HS3ST5: variants seen among roughly 807,000 people sequenced by gnomAD.
The protein encoded by HS3ST5 is heparan sulfate glucosamine 3-O-sulfotransferase 5.
A neutral mutation model predicts 25.4 loss-of-function variants in HS3ST5; 10 were observed. The observed-to-expected ratio is 0.39, with a 90% CI of 0.24 to 0.67. The LOEUF (loss-of-function observed/expected upper bound fraction) is 0.67, where lower values mean the gene tolerates loss of function less well. Ranked by LOEUF, HS3ST5 falls within the 30% of genes least tolerant of loss-of-function variation. The pLI, the probability that HS3ST5 is intolerant of heterozygous loss-of-function variation, is 0.44. For missense variants in HS3ST5, 324 were observed against 420.7 expected, an observed-to-expected ratio of 0.77 and a Z score of 2.01; for synonymous variants, 170 against 162.4, an observed-to-expected ratio of 1.05 and a Z score of -0.36.
In HS3ST5 at chr6:114,231,520, C is replaced by A. The variant is rs1771588558; in HGVS notation, c.-338-2742G>T. ...ATGCAAGAATGGTCTAATACAAAGT[C>A]CAAGGTCCTTAACCTGGCATTTAAT... On this transcript the variant is annotated intron_variant, in intron 1 of 4. Transcript: ENST00000312719. 3 of 152,126 alleles carry A rather than the reference C, an allele frequency of 2.0e-5. No homozygotes were observed. In the South Asian group the frequency reaches 6.2e-4, roughly 32 times the overall value. 9.4% of individuals were successfully genotyped at this position (152,126 alleles called of 1,614,324 possible). A position where few individuals can be genotyped will look rare whatever the true frequency, so the allele number is the denominator to read the frequency against.
intron 2 of HS3ST5, among the ~76,000 whole-genome samples, chr6:114,213,230 C>A (rs113369805): frequency 6.6e-6 from 1 of 151,526 alleles, no homozygotes; most frequent in East Asian, 1.9e-4. Flanking sequence ...TTCTGACATC[C>A]GGCTGCTTCT....
At chr6:114,313,824 A>T (rs938069322) in intron 1 of HS3ST5, among the ~76,000 whole-genome samples, 2 of 152,222 alleles carry the variant, frequency 1.3e-5, no homozygotes, top group African/African-American at 4.8e-5. Flanking sequence ...TCGAGTAATT[A>T]AAATCAGATG....
intron 3 of HS3ST5, among the ~76,000 whole-genome samples, chr6:114,115,007 C>T (rs937545312): frequency 6.6e-6 from 1 of 152,080 alleles, no homozygotes; most frequent in African/African-American, 2.4e-5. Context: ...CGACCAGAGT[C>T]CTGGTCCCGA....
Position 114,242,389 on chromosome 6 carries a change from TTATTATTATA to T in HS3ST5, c.-338-13621_-338-13612del, listed in dbSNP as rs1772170467. ...CATTAAACAGCACTTGTGTAAAAAATTATTATTATATGTTAAATGAATAATGAGTAAATGA... is the reference window on the plus strand; with the variant it reads ...CATTAAACAGCACTTGTGTAAAAAATTGTTAAATGAATAATGAGTAAATGA... On this transcript the variant is annotated intron_variant, in intron 1 of 4. Coordinates refer to ENST00000312719, the MANE Select transcript of HS3ST5 (RefSeq NM_153612.4). Among the ~76,000 whole-genome samples the T allele has an allele frequency of 5.3e-5, 8 of 152,254 alleles. No homozygotes were observed. The South Asian group carries it at 6.2e-4, about 12-fold the overall frequency.
intron 1 of HS3ST5, among the ~76,000 whole-genome samples, chr6:114,259,417 T>C (rs896394252): frequency 6.6e-6 from 1 of 152,220 alleles, no homozygotes; most frequent in Non-Finnish European, 1.5e-5. Context: ...ATGTTTCCCT[T>C]CCTAGACTGT....
At chr6:114,320,228 TCGAA>T (rs1775909780) in intron 1 of HS3ST5, among the ~76,000 whole-genome samples, 1 of 152,086 alleles carries the variant, frequency 6.6e-6, no homozygotes, top group African/African-American at 2.4e-5. Flanking sequence ...GAGACTCAGG[TCGAA>T]TTAGTAATTT....
intron 1 of HS3ST5, among the ~76,000 whole-genome samples, chr6:114,292,435 A>G (rs910884375): frequency 6.6e-6 from 1 of 152,192 alleles, no homozygotes; most frequent in African/African-American, 2.4e-5. Flanking sequence ...TAATCCATTC[A>G]GCTTCTCTTA....
chr6:114,082,480 C>T (rs1417311370), intron 3 of HS3ST5, among the ~76,000 whole-genome samples: 1 of 152,132 alleles, frequency 6.6e-6, no homozygotes, highest in Admixed American at 6.5e-5. Flanking sequence ...AGTCAGCATC[C>T]AGGAGGCAAA....
chr6:114,114,663 ATATT>A (rs1299417943), intron 3 of HS3ST5, among the ~76,000 whole-genome samples: 1 of 152,080 alleles, frequency 6.6e-6, no homozygotes, highest in Non-Finnish European at 1.5e-5. Flanking sequence ...GATTGGCACA[ATATT>A]TATGTTTTGA....
chr6:114,117,156 A>G (rs570082464), intron 3 of HS3ST5, among the ~76,000 whole-genome samples: 83 of 152,322 alleles, frequency 5.4e-4, no homozygotes, highest in Non-Finnish European at 1.5e-5. Context: ...TCATTAGAAT[A>G]CTAAAATTAA....
intron 3 of HS3ST5, among the ~76,000 whole-genome samples, chr6:114,129,310 C>G (rs1350773847): frequency 7.5e-6 from 1 of 134,204 alleles, no homozygotes; most frequent in Non-Finnish European, 1.5e-5. Context: ...GGCTGCAGTG[C>G]AGTGGCACAA....
Position 114,057,111 on chromosome 6 carries a change from C to G in HS3ST5, c.*146G>C, listed in dbSNP as rs1772813387. ...AATTTTCAGTAGAAAAAGAACTGAT[C>G]TTATATTTGGTCACACACTGCGTAT... On this transcript the variant is annotated 3_prime_UTR_variant, in exon 5 of 5. Coordinates refer to ENST00000312719, the MANE Select transcript of HS3ST5 (RefSeq NM_153612.4). 5 of 565,168 alleles carry G rather than the reference C, an allele frequency of 8.8e-6. No homozygotes were observed. Among genetic ancestry groups the G allele is most frequent in the Non-Finnish European group, 1.5e-5 (5 of 332,034 alleles). The allele number at this position is 565,168 out of a possible 1,614,324, so 35.0% of individuals were successfully genotyped here. A position where few individuals can be genotyped will look rare whatever the true frequency, so the allele number is the denominator to read the frequency against.
intron 3 of HS3ST5, among the ~76,000 whole-genome samples, chr6:114,147,053 G>A (rs1386008915): frequency 6.6e-6 from 1 of 152,130 alleles, no homozygotes; most frequent in Non-Finnish European, 1.5e-5. Context: ...CTGAATGGGA[G>A]ATTATACTGC....
intron 1 of HS3ST5, among the ~76,000 whole-genome samples, chr6:114,272,605 T>G (rs1208875277): frequency 6.6e-6 from 1 of 152,120 alleles, no homozygotes; most frequent in Non-Finnish European, 1.5e-5. Flanking sequence ...CCATAGTACA[T>G]AGTCACTTAC....
At position 114,216,971 on chromosome 6, in the gene HS3ST5, A is replaced by T. The variant is rs544427747; in HGVS notation, c.-145+11614T>A. ...GCTGCTTTTTCATAAAGCTCTTCTC[A>T]TGATTATGAGCTGACGGACAGCTGT... On this transcript the variant is annotated intron_variant, in intron 2 of 4. Transcript: ENST00000312719. Among the ~76,000 whole-genome samples the T allele has an allele frequency of 7.0e-3, 1,068 of 152,240 alleles. 16 individuals carry two copies. Among genetic ancestry groups the T allele is most frequent in the African/African-American group, 0.024 (1,012 of 41,542 alleles).
intron 3 of HS3ST5, among the ~76,000 whole-genome samples, chr6:114,089,885 A>G (rs1172155988): frequency 6.6e-6 from 1 of 152,198 alleles, no homozygotes; most frequent in African/African-American, 2.4e-5. Context: ...ACATGGAAAG[A>G]AAACGTTTCT....
intron 1 of HS3ST5, among the ~76,000 whole-genome samples, chr6:114,316,678 AT>A (rs1775761161): frequency 6.6e-6 from 1 of 152,234 alleles, no homozygotes; most frequent in Non-Finnish European, 1.5e-5. Flanking sequence ...ACAAAAAAGC[AT>A]TTCAATATTA....
chr6:114,135,370 G>A (rs765392973), intron 3 of HS3ST5, among the ~76,000 whole-genome samples: 44 of 152,294 alleles, frequency 2.9e-4, no homozygotes, highest in Admixed American at 1.3e-3. Flanking sequence ...CCCAGAGACA[G>A]GAGGAAGAAG....
At position 114,343,018 on chromosome 6, in the gene HS3ST5, C is replaced by A. The variant is rs1343771059; in HGVS notation, c.-1162G>T. The stretch of plus-strand genomic sequence containing the variant: ...GGACCGGGTCCCTGGCGACCAGCTG[C>A]AGAGTGGCTGCCAGTCCACACCCTC... On this transcript the variant is annotated 5_prime_UTR_variant, in exon 1 of 5. Transcript: ENST00000312719. The A allele has an allele frequency of 6.6e-6, 1 of 152,466 alleles. No individual in the cohort carries two copies. Among genetic ancestry groups the A allele is most frequent in the Non-Finnish European group, 1.5e-5 (1 of 68,360 alleles). 9.4% of individuals were successfully genotyped at this position (152,466 alleles called of 1,614,324 possible). A position where few individuals can be genotyped will look rare whatever the true frequency, so the allele number is the denominator to read the frequency against.
Sources: allele counts gnomAD v4.1 joint callset (sites outside exome capture counted in the v4.1 genomes callset), GRCh38; gene constraint gnomAD v4.1.1; transcripts MANE v1.5; gene names NCBI Gene and HGNC (gene_info 2026-07-23, HGNC 2026-07-21).